ANO4: variants seen among roughly 807,000 people sequenced by gnomAD.
The protein encoded by ANO4 is anoctamin 4.
Under a neutral mutation model 141.9 loss-of-function variants are expected in ANO4, and 69 were observed. The observed-to-expected ratio is 0.49, with a 90% confidence interval of 0.40 to 0.59. ANO4 has a LOEUF of 0.59. ANO4 is among the 20% of genes least tolerant of loss of function. The probability of loss-of-function intolerance (pLI) is 0.00; values close to 1 mark genes in which losing one functional copy is unlikely to be tolerated. For synonymous variants in ANO4, 350 were observed against 394.3 expected, an observed-to-expected ratio of 0.89 and a Z score of 1.33; for missense variants, 894 against 1,162.2, an observed-to-expected ratio of 0.77 and a Z score of 3.36.
At chr12:100,816,326 A>G (rs1287293523) in intron 1 of ANO4, among the ~76,000 whole-genome samples, 1 of 152,058 alleles carries the variant, frequency 6.6e-6, no homozygotes, top group African/African-American at 2.4e-5. Flanking sequence ...CTGTGGAAGC[A>G]TAATTTAATT....
intron 16 of ANO4, among the ~76,000 whole-genome samples, chr12:101,086,080 CTGTGTGTGTGTGTGTGTGTGTGTGTGTG>C (rs56891905): frequency 7.6e-6 from 1 of 131,736 alleles, no homozygotes; most frequent in Non-Finnish European, 1.6e-5. Flanking sequence ...GTTAACTAGG[CTGTGTGTGTGTGTGTGTGTGTGTGTGTG>C]TGTGTGTGTG....
intron 25 of ANO4, among the ~76,000 whole-genome samples, chr12:101,118,280 C>A (rs2050937442): frequency 6.6e-6 from 1 of 152,156 alleles, no homozygotes; most frequent in Non-Finnish European, 1.5e-5. Context: ...CAGAGTCTTT[C>A]TCCTCTTCTG....
chr12:101,095,494 G>A (rs2049946266), intron 18 of ANO4, among the ~76,000 whole-genome samples: 1 of 152,150 alleles, frequency 6.6e-6, no homozygotes, highest in South Asian at 2.1e-4. Context: ...AACCCTTTAA[G>A]AAAACCCTTT....
chr12:100,921,299 A>G (rs2041621068), intron 2 of ANO4, among the ~76,000 whole-genome samples: 1 of 152,120 alleles, frequency 6.6e-6, no homozygotes, highest in Admixed American at 6.6e-5. Context: ...CTGTGAGGCT[A>G]TGAGTTATCT....
chr12:100,951,296 A>T (rs1367498471), intron 5 of ANO4, among the ~76,000 whole-genome samples: 1 of 152,174 alleles, frequency 6.6e-6, no homozygotes, highest in East Asian at 1.9e-4. Context: ...AGAGCTAAAA[A>T]CAGAACTACC....
In ANO4 at chr12:101,039,979, A is replaced by G; in HGVS notation, c.922A>G (p.Ile308Val). 1.2e-6 allele frequency: 2 copies of G among 1,612,898 alleles called. 1 individual carries two copies. The highest frequency in any genetic ancestry group is 3.3e-4 in the Middle Eastern group (2 of 6,050). The change falls in exon 11 of 28, where the codon ATT becomes GTT. Residue 308 changes from isoleucine (I) to valine (V), a missense_variant. Physicochemically the swap from Ile to Val is conservative, Grantham distance 29 (BLOSUM62 3). This residue lies in a region of ANO4 where 637 missense variants were observed against 909.2 expected (regional missense o/e 0.70). Coordinates refer to ENST00000392977, the MANE Select transcript of ANO4 (RefSeq NM_001286615.2). Reference protein sequence around the residue: ...HEGSYRSKNSIRTHGAENHRH... With the variant: ...HEGSYRSKNSVRTHGAENHRH... Reference sequence around the variant, plus strand: ...GGGAAGTTATAGAAGTAAAAACTCCATTCGAACCCATGGAGCAGAAAACCA... The same window carrying G: ...GGGAAGTTATAGAAGTAAAAACTCCGTTCGAACCCATGGAGCAGAAAACCA...
chr12:101,066,606 G>T, intron 14 of ANO4: 1 of 507,602 alleles, frequency 2.0e-6, no homozygotes, highest in Non-Finnish European at 3.5e-6. Flanking sequence ...AATGGAAGAG[G>T]CTTTTTCTAG....
chr12:101,026,087 A>C (rs946913463), intron 9 of ANO4, among the ~76,000 whole-genome samples: 2 of 152,198 alleles, frequency 1.3e-5, no homozygotes, highest in African/African-American at 4.8e-5. Flanking sequence ...AAAGAATTAA[A>C]ACTGTCCTAA....
chr12:100,836,191 G>A (rs951200453), intron 1 of ANO4, among the ~76,000 whole-genome samples: 2 of 151,974 alleles, frequency 1.3e-5, no homozygotes, highest in African/African-American at 2.4e-5. Flanking sequence ...TGGAGTCCCC[G>A]TGGGTGAAAA....
chr12:100,740,512 G>A (rs1287237723), intron 3 of ANO4, among the ~76,000 whole-genome samples: 1 of 152,182 alleles, frequency 6.6e-6, no homozygotes, highest in East Asian at 1.9e-4. Flanking sequence ...TTCAAGATAT[G>A]TCATATGGCT....
chr12:100,966,264 T>G (rs541796511), intron 5 of ANO4, among the ~76,000 whole-genome samples: 1 of 152,362 alleles, frequency 6.6e-6, no homozygotes, highest in South Asian at 2.1e-4. Flanking sequence ...AGATTTACTA[T>G]GAGCACCTTA....
intron 22 of ANO4, among the ~76,000 whole-genome samples, chr12:101,104,455 CTATGCATTTTGAAGG>C (rs886111945): frequency 6.6e-6 from 1 of 150,994 alleles, no homozygotes; most frequent in African/African-American, 2.4e-5. Context: ...TTATTTTCGA[CTATGCATTTTGAAGG>C]AATGCATTAG....
intron 1 of ANO4, among the ~76,000 whole-genome samples, chr12:100,900,224 CT>C (rs1024085406): frequency 6.6e-6 from 1 of 151,944 alleles, no homozygotes; most frequent in African/African-American, 2.4e-5. Flanking sequence ...TCCTTCCCTC[CT>C]TTCTTTTCTC....
chr12:101,051,263 C>T (rs1301473229), intron 14 of ANO4, among the ~76,000 whole-genome samples: 1 of 152,152 alleles, frequency 6.6e-6, no homozygotes, highest in Non-Finnish European at 1.5e-5. Context: ...TGAGAAGTTT[C>T]TGAGGTTGAA....
intron 2 of ANO4, among the ~76,000 whole-genome samples, chr12:100,918,043 A>G (rs548567019): frequency 1.2e-4 from 19 of 152,328 alleles, no homozygotes; most frequent in African/African-American, 4.6e-4. Context: ...GTTTTGTGCT[A>G]AGGGCAGTTG....
chr12:101,083,630 G>A (rs746676667), intron 15 of ANO4, 48 bp from the exon 16 acceptor site: 33 of 1,556,706 alleles, frequency 2.1e-5, no homozygotes, highest in Non-Finnish European at 2.8e-5. Flanking sequence ...TTTTTTTATT[G>A]TGTGAGCACC....
At position 100,846,780 on chromosome 12, in the gene ANO4, T is replaced by C. The variant is rs114231468; in HGVS notation, c.-141+51753T>C. On this transcript the variant is annotated intron_variant, in intron 1 of 27. Transcript: ENST00000392977. Reference sequence around the variant, plus strand: ...ATACTGTCTATGTTTTCCTTTTCCTTCTTTGCCAACCCATAATGATTTTCT... The same window carrying C: ...ATACTGTCTATGTTTTCCTTTTCCTCCTTTGCCAACCCATAATGATTTTCT... Among the ~76,000 whole-genome samples the C allele has an allele frequency of 4.8e-3, 737 of 152,312 alleles. 9 individuals are homozygous for C. The highest frequency in any genetic ancestry group is 0.017 in the African/African-American group (714 of 41,552).
intron 22 of ANO4, among the ~76,000 whole-genome samples, chr12:101,103,171 T>G (rs911272664): frequency 7.4e-6 from 1 of 134,898 alleles, no homozygotes; most frequent in African/African-American, 2.8e-5. Flanking sequence ...TACATTTTCC[T>G]TTTTAGTCAT....
At chr12:101,041,402 G>C (rs1309281158) in intron 11 of ANO4, among the ~76,000 whole-genome samples, 1 of 152,174 alleles carries the variant, frequency 6.6e-6, no homozygotes, top group South Asian at 2.1e-4. Context: ...AAACAGTGGG[G>C]GGAAAAACAA....
Sources: gnomAD v4.1 joint callset for allele counts (sites outside exome capture counted in the v4.1 genomes callset) on GRCh38, gnomAD v4.1.1 for gene constraint, gnomAD v4.1.1 regional missense constraint, MANE v1.5 for transcripts, NCBI Gene and HGNC (gene_info 2026-07-23, HGNC 2026-07-21) for gene names.